The following KIAA1671 variants were observed in gnomAD, a reference collection of about 807,000 sequenced individuals.
KIAA1671 encodes KIAA1671.
A neutral mutation model predicts 131.2 loss-of-function variants in KIAA1671; 52 were observed. The ratio of observed to expected loss-of-function variants is 0.40; its 90% CI spans 0.32 to 0.50. The LOEUF (loss-of-function observed/expected upper bound fraction) is 0.50. KIAA1671 is among the 20% of genes least tolerant of loss of function. The pLI, the probability that KIAA1671 is intolerant of heterozygous loss-of-function variation, is 0.73. For missense variants in KIAA1671, 2,360 were observed against 2,364.2 expected, an observed-to-expected ratio of 1.00 and a Z score of 0.04; for synonymous variants, 1,003 against 961.6, an observed-to-expected ratio of 1.04 and a Z score of -0.80.
intron 1 of KIAA1671, among the ~76,000 whole-genome samples, chr22:25,007,361 C>T (rs1158542114): frequency 1.3e-5 from 2 of 152,028 alleles, no homozygotes; most frequent in South Asian, 4.2e-4. Context: ...TGGTGTGTGC[C>T]TGTAGTCTCA....
In KIAA1671 at chr22:25,196,522, A is replaced by G. The variant is rs1237294314; in HGVS notation, c.*4121A>G. ...CAATCATAGCTCACTCCAGCCTCCA[A>G]CTCCTGGGCTCAAGCAATCCTCTCA... On this transcript the variant is annotated 3_prime_UTR_variant, in exon 13 of 13. Transcript: ENST00000358431. The G allele has an allele frequency of 1.3e-5, 2 of 151,280 alleles. No individual in the cohort carries two copies. The highest frequency in any genetic ancestry group is 4.9e-5 in the African/African-American group (2 of 41,094). 9.4% of individuals were successfully genotyped at this position (151,280 alleles called of 1,614,324 possible).
intron 2 of KIAA1671, among the ~76,000 whole-genome samples, chr22:25,026,154 G>A (rs944127493): frequency 1.2e-3 from 186 of 152,310 alleles, no homozygotes; most frequent in Middle Eastern, 0.01. Flanking sequence ...ACCATCGAGC[G>A]TGTAAGGAAG....
rs542578178 is a variant in KIAA1671 at position 25,145,185 on chromosome 22, T to A, written c.4531-25635T>A. Among the ~76,000 whole-genome samples the A allele has an allele frequency of 1.2e-3, 179 of 152,232 alleles. 3 individuals are homozygous for A. In the South Asian group the frequency reaches 0.031, roughly 27 times the overall value. On this transcript the variant is annotated intron_variant, in intron 6 of 12. Coordinates refer to ENST00000358431, the MANE Select transcript of KIAA1671 (RefSeq NM_001145206.2). The stretch of plus-strand genomic sequence containing the variant: ...TCCCTAATTATTGCTGAAAACCATC[T>A]CTCGCCTGTCAACATTCTATAAATA...
intron 6 of KIAA1671, among the ~76,000 whole-genome samples, chr22:25,074,870 G>C (rs985974720): frequency 1.4e-4 from 21 of 152,116 alleles, no homozygotes; most frequent in African/African-American, 4.6e-4. Context: ...TGGGATACTG[G>C]TTTCATTTCC....
chr22:25,088,337 C>T (rs920431304), intron 6 of KIAA1671, among the ~76,000 whole-genome samples: 1 of 152,134 alleles, frequency 6.6e-6, no homozygotes, highest in African/African-American at 2.4e-5. Context: ...GAACTCCTGA[C>T]CTTAGGTAAT....
Position 25,131,600 on chromosome 22 carries a change from A to G in KIAA1671, c.4531-39220A>G, listed in dbSNP as rs186184897. ...TGATGTCACCCTGGGAAGCCATTCA[A>G]CACTGGGGGCCACCTTCAGCCCTGG... On this transcript the variant is annotated intron_variant, in intron 6 of 12. Transcript: ENST00000358431. Among the ~76,000 whole-genome samples the G allele has an allele frequency of 2.8e-3, 427 of 152,326 alleles. 2 individuals are homozygous for G. The highest frequency in any genetic ancestry group is 8.5e-3 in the African/African-American group (352 of 41,580).
intron 10 of KIAA1671, 136 bp downstream of exon 10, chr22:25,181,959 C>T (rs971950069): frequency 6.6e-5 from 57 of 863,690 alleles, no homozygotes; most frequent in Non-Finnish European, 8.2e-5. Context: ...GGGCGGATCA[C>T]GAGATCAGGA....
intron 6 of KIAA1671, among the ~76,000 whole-genome samples, chr22:25,156,869 G>A (rs536918388): frequency 1.4e-4 from 22 of 152,274 alleles, no homozygotes; most frequent in African/African-American, 5.3e-4. Flanking sequence ...TGGGCTGGAG[G>A]ATTTGGGGTC....
rs1926816687 is a variant in KIAA1671, at chr22:25,039,881, C to G, written c.2751C>G (p.Ala917=). 1.9e-6 allele frequency: 3 copies of G among 1,551,410 alleles called. No homozygotes were observed. The highest frequency in any genetic ancestry group is 2.6e-6 in the Non-Finnish European group (3 of 1,146,968). The stretch of plus-strand genomic sequence containing the variant: ...AGAAAGGGCCCTTCATTGTAGCCGC[C>G]AGGGAGGGTGATCCAGGGCCGGCCC... ...AVQKGPFIVA[A]REGDPGPAQV... is the part of the protein sequence containing the mutation. The change falls in exon 5 of 13, where the codon GCC becomes GCG. Residue 917 remains alanine (A), a synonymous_variant. Transcript: ENST00000358431.
intron 6 of KIAA1671, among the ~76,000 whole-genome samples, chr22:25,120,646 C>T (rs1038451924): frequency 1.3e-5 from 2 of 152,202 alleles, no homozygotes; most frequent in Non-Finnish European, 2.9e-5. Flanking sequence ...AAACAAAGCC[C>T]ACCCATTCTC....
intron 6 of KIAA1671, among the ~76,000 whole-genome samples, chr22:25,099,970 G>A (rs930723572): frequency 6.6e-6 from 1 of 152,244 alleles, no homozygotes; most frequent in Non-Finnish European, 1.5e-5. Flanking sequence ...TGCAAAAGGA[G>A]GCAGCTGAGG....
chr22:24,995,030 T>G (rs1000048006), intron 1 of KIAA1671, among the ~76,000 whole-genome samples: 1 of 149,494 alleles, frequency 6.7e-6, no homozygotes, highest in Non-Finnish European at 1.5e-5. Context: ...TCATCCCGTC[T>G]CTGTTTGTAT....
chr22:25,191,085 T>C (rs1033349537), intron 12 of KIAA1671, among the ~76,000 whole-genome samples: 1 of 150,790 alleles, frequency 6.6e-6, no homozygotes, highest in Admixed American at 6.6e-5. Context: ...TGCATCACAG[T>C]CCCCTCTGAT....
At chr22:25,071,681 C>A (rs1396071447) in intron 6 of KIAA1671, among the ~76,000 whole-genome samples, 3 of 152,086 alleles carry the variant, frequency 2.0e-5, no homozygotes, top group African/African-American at 4.8e-5. Context: ...GGGCTCTGGG[C>A]TCCATGCTGG....
chr22:25,118,881 A>G (rs1302196949), intron 6 of KIAA1671, among the ~76,000 whole-genome samples: 1 of 151,986 alleles, frequency 6.6e-6, no homozygotes, highest in Admixed American at 6.6e-5. Context: ...TGCCATCACC[A>G]TTCCCTCTGC....
At chr22:25,172,149 C>T (rs1933870846) in intron 7 of KIAA1671, among the ~76,000 whole-genome samples, 1 of 152,080 alleles carries the variant, frequency 6.6e-6, no homozygotes, top group African/African-American at 2.4e-5. Flanking sequence ...GAGCACTGGA[C>T]TGAGAGTCTG....
chr22:25,026,206 G>A (rs1925934226), intron 2 of KIAA1671, among the ~76,000 whole-genome samples: 1 of 152,190 alleles, frequency 6.6e-6, no homozygotes, highest in African/African-American at 2.4e-5. Context: ...CCTGGAGGCT[G>A]CTGAGTGAGT....
At chr22:25,097,046 A>G (rs1480607788) in intron 6 of KIAA1671, among the ~76,000 whole-genome samples, 2 of 152,220 alleles carry the variant, frequency 1.3e-5, no homozygotes, top group Non-Finnish European at 2.9e-5. Context: ...ATTCCAGTTT[A>G]GAGCTATTAT....
intron 1 of KIAA1671, among the ~76,000 whole-genome samples, chr22:24,994,446 G>A (rs541557993): frequency 2.0e-4 from 31 of 152,270 alleles, no homozygotes; most frequent in African/African-American, 6.7e-4. Flanking sequence ...TAAATTATCC[G>A]ACTTGAGTGC....
Sources: allele counts gnomAD v4.1 joint callset (sites outside exome capture counted in the v4.1 genomes callset), GRCh38; gene constraint gnomAD v4.1.1; transcripts MANE v1.5; gene names NCBI Gene and HGNC (gene_info 2026-07-23, HGNC 2026-07-21).